The following CHP1 variants were observed in gnomAD, a reference collection of about 807,000 sequenced individuals.
The protein encoded by CHP1 is calcineurin like EF-hand protein 1, also known as calcineurin B homologous protein 1.
A neutral mutation model predicts 27.4 loss-of-function variants in CHP1; 11 were observed. That is an observed-to-expected ratio of 0.40 (90% CI 0.25 to 0.67). The LOEUF is 0.67. Among genes scored for constraint, CHP1 ranks in the 30% least tolerant of loss-of-function variants. The pLI is 0.38. For missense variants in CHP1, 169 were observed against 251.3 expected (o/e 0.67, Z 2.22); for synonymous variants, 89 against 87.4 (o/e 1.02, Z -0.10).
chr15:41,248,969 C>T (rs764706491), intron 2 of CHP1, among the ~76,000 whole-genome samples: 38 of 152,156 alleles, frequency 2.5e-4, no homozygotes, highest in Admixed American at 1.3e-4. Context: ...TTCCCCTTCT[C>T]TCAGCCCTCT....
chr15:41,239,309 C>T (rs2140922819), intron 1 of CHP1, among the ~76,000 whole-genome samples: 1 of 136,500 alleles, frequency 7.3e-6, no homozygotes, highest in African/African-American at 3.0e-5. Flanking sequence ...CCCAGTTCGT[C>T]CTGGAAGATA....
At chr15:41,269,159 T>C (rs1354145742) in intron 4 of CHP1, among the ~76,000 whole-genome samples, 2 of 150,814 alleles carry the variant, frequency 1.3e-5, no homozygotes, top group African/African-American at 4.9e-5. Flanking sequence ...GTCATGATTG[T>C]GCTACTGCAC....
At position 41,279,453 on chromosome 15, in the gene CHP1, A is replaced by G; in HGVS notation, c.*64A>G. ...ACTGGAACTTGAAAGTCCTCCTTCT[A>G]CCAACTCCACCTCCACCCCCTCATT... On this transcript the variant is annotated 3_prime_UTR_variant, in exon 7 of 7. Coordinates refer to ENST00000334660, the MANE Select transcript of CHP1 (RefSeq NM_007236.5). 2 of 1,313,190 alleles carry G rather than the reference A, an allele frequency of 1.5e-6. No homozygotes were observed. 81.3% of individuals were successfully genotyped at this position (1,313,190 alleles called of 1,614,324 possible). A position where few individuals can be genotyped will look rare whatever the true frequency, so the allele number is the denominator to read the frequency against.
chr15:41,264,588 G>T (rs1177427415), intron 4 of CHP1, among the ~76,000 whole-genome samples: 1 of 152,052 alleles, frequency 6.6e-6, no homozygotes, highest in Non-Finnish European at 1.5e-5. Context: ...ACAGGCGTGT[G>T]CACTACACCC....
At chr15:41,255,633 C>G (rs560515668) in intron 2 of CHP1, among the ~76,000 whole-genome samples, 4 of 152,072 alleles carry the variant, frequency 2.6e-5, no homozygotes, top group East Asian at 3.9e-4. Flanking sequence ...AGAGATCAAG[C>G]CACTACACTC....
chr15:41,271,724 T>A (rs1467389611), intron 5 of CHP1, among the ~76,000 whole-genome samples: 1 of 152,170 alleles, frequency 6.6e-6, no homozygotes, highest in Non-Finnish European at 1.5e-5. Flanking sequence ...AGGATGAAAT[T>A]ACTCAGGGCA....
At chr15:41,270,072 C>T (rs138809268) in intron 4 of CHP1, among the ~76,000 whole-genome samples, 2,891 of 152,218 alleles carry the variant, frequency 0.019, 53 homozygotes, top group Non-Finnish European at 0.026. Flanking sequence ...ATTTCTTTAC[C>T]TCCAGGACTC....
At chr15:41,277,585 C>T (rs1055288091) in intron 5 of CHP1, among the ~76,000 whole-genome samples, 6 of 152,114 alleles carry the variant, frequency 3.9e-5, no homozygotes, top group Non-Finnish European at 7.4e-5. Flanking sequence ...GTCAGGAGTT[C>T]GAGACCAGCC....
intron 2 of CHP1, among the ~76,000 whole-genome samples, chr15:41,254,673 T>TTCAG (rs2047389357): frequency 6.6e-6 from 1 of 152,204 alleles, no homozygotes; most frequent in East Asian, 1.9e-4. Context: ...GAGCTTTGTG[T>TTCAG]TCAGTCCACT....
In CHP1 at chr15:41,278,938, C is replaced by T. The variant is rs112389205; in HGVS notation, c.534+49C>T. ...AAAAAGTTACGTTTTAGTGGCTGGGCGCGGTGGCTTACGCCTGTAATCCCA... is the reference window on the plus strand; with the variant it reads ...AAAAAGTTACGTTTTAGTGGCTGGGTGCGGTGGCTTACGCCTGTAATCCCA... On this transcript the variant is annotated intron_variant, in intron 6 of 6. Coordinates refer to ENST00000334660, the MANE Select transcript of CHP1 (RefSeq NM_007236.5). 4,363 of 1,609,410 alleles carry T rather than the reference C, an allele frequency of 2.7e-3. 58 individuals carry two copies. The African/African-American group carries it at 0.028, about 10-fold the overall frequency.
intron 2 of CHP1, among the ~76,000 whole-genome samples, chr15:41,245,076 C>T (rs972902191): frequency 1.3e-5 from 2 of 152,098 alleles, no homozygotes; most frequent in African/African-American, 4.8e-5. Context: ...ATACGTATTT[C>T]CCCCTTCTCT....
At chr15:41,235,363 A>G (rs1021039818) in intron 1 of CHP1, among the ~76,000 whole-genome samples, 2 of 152,148 alleles carry the variant, frequency 1.3e-5, no homozygotes, top group Non-Finnish European at 2.9e-5. Context: ...ACAAAAAAAT[A>G]AATTTAAAAA....
In CHP1 at chr15:41,281,048, G is replaced by C. The variant is rs1457401762; in HGVS notation, c.*1659G>C. 1 of 146,658 alleles carries C rather than the reference G, an allele frequency of 6.8e-6. No individual in the cohort carries two copies. The highest frequency in any genetic ancestry group is 6.9e-5 in the Admixed American group (1 of 14,452). 9.1% of individuals were successfully genotyped at this position (146,658 alleles called of 1,614,324 possible). On this transcript the variant is annotated 3_prime_UTR_variant, in exon 7 of 7. Coordinates refer to ENST00000334660, the MANE Select transcript of CHP1 (RefSeq NM_007236.5). ...TAATTTTTGCATTTTTAGTGGAGAGGGAGTTTCACCATGTTGGCCAGGTTG... is the reference window on the plus strand; with the variant it reads ...TAATTTTTGCATTTTTAGTGGAGAGCGAGTTTCACCATGTTGGCCAGGTTG...
intron 4 of CHP1, among the ~76,000 whole-genome samples, chr15:41,265,137 G>A (rs1016041236): frequency 2.6e-5 from 4 of 151,862 alleles, no homozygotes; most frequent in South Asian, 2.1e-4. Flanking sequence ...TGAGGCAGGC[G>A]GATCACCTGA....
At chr15:41,263,002 C>A in intron 4 of CHP1, 119 bp downstream of exon 4, 1 of 1,310,072 alleles carries the variant, frequency 7.6e-7, no homozygotes, top group Non-Finnish European at 1.0e-6. Context: ...AGACCTCAGA[C>A]TCTGGAGCTA....
chr15:41,253,919 G>C (rs1386644506), intron 2 of CHP1, among the ~76,000 whole-genome samples: 1 of 151,652 alleles, frequency 6.6e-6, no homozygotes, highest in African/African-American at 2.4e-5. Flanking sequence ...CAAGTAGCTG[G>C]GACTACAGGC....
Position 41,231,354 on chromosome 15 carries a change from C to T in CHP1, c.-29C>T. 3 of 1,581,152 alleles carry T rather than the reference C, an allele frequency of 1.9e-6. No individual in the cohort carries two copies. Among genetic ancestry groups the T allele is most frequent in the Non-Finnish European group, 2.6e-6 (3 of 1,164,220 alleles). ...CCTGTCGCCGTCTCTTCTGGCGCCGCTGCTCCCGGAGGAGCTCCCGGCACG... is the reference window on the plus strand; with the variant it reads ...CCTGTCGCCGTCTCTTCTGGCGCCGTTGCTCCCGGAGGAGCTCCCGGCACG... On this transcript the variant is annotated 5_prime_UTR_variant, in exon 1 of 7. Coordinates refer to ENST00000334660, the MANE Select transcript of CHP1 (RefSeq NM_007236.5).
chr15:41,245,817 A>G (rs1018844977), intron 2 of CHP1, among the ~76,000 whole-genome samples: 7 of 152,170 alleles, frequency 4.6e-5, no homozygotes, highest in East Asian at 1.9e-4. Flanking sequence ...GATGAAGTCC[A>G]GTTTCTTTAA....
At chr15:41,246,701 A>G (rs141707826) in intron 2 of CHP1, among the ~76,000 whole-genome samples, 5 of 123,968 alleles carry the variant, frequency 4.0e-5, no homozygotes, top group African/African-American at 1.6e-4. Flanking sequence ...TGACCTCGTG[A>G]TGCACCTGCC....
Sources: gnomAD v4.1 joint callset for allele counts (sites outside exome capture counted in the v4.1 genomes callset) on GRCh38, gnomAD v4.1.1 for gene constraint, MANE v1.5 for transcripts, NCBI Gene and HGNC (gene_info 2026-07-23, HGNC 2026-07-21) for gene names.